RNF152: variants seen among roughly 807,000 people sequenced by gnomAD.
RNF152 encodes ring finger protein 152, also known as E3 ubiquitin-protein ligase RNF152.
Under a neutral mutation model 12.7 loss-of-function variants are expected in RNF152, and 11 were observed. That is an observed-to-expected ratio of 0.86 (90% CI 0.54 to 1.43). RNF152 has a LOEUF of 1.43. Among genes scored for constraint, RNF152 ranks in the 40% most tolerant of loss-of-function variants. The pLI is 0.00. For synonymous variants in RNF152, 113 were observed against 120.3 expected (o/e 0.94, Z 0.40); for missense variants, 255 against 274.8 (o/e 0.93, Z 0.51).
At chr18:61,870,562 C>A (rs900829875) in intron 1 of RNF152, among the ~76,000 whole-genome samples, 4 of 152,166 alleles carry the variant, frequency 2.6e-5, no homozygotes, top group African/African-American at 9.7e-5. Flanking sequence ...CTTGGCCAAG[C>A]ATGAACTCTG....
chr18:61,832,998 A>T (rs1910017925), intron 1 of RNF152, among the ~76,000 whole-genome samples: 2 of 152,350 alleles, frequency 1.3e-5, no homozygotes, highest in South Asian at 4.1e-4. Context: ...GTCAAAGCAG[A>T]AGAAACAGTA....
chr18:61,862,428 G>A (rs929168685), intron 1 of RNF152, among the ~76,000 whole-genome samples: 4 of 152,240 alleles, frequency 2.6e-5, no homozygotes, highest in African/African-American at 9.6e-5. Context: ...GAGGTGAAGA[G>A]CAAGAGGCTT....
chr18:61,820,441 G>A (rs182719584), intron 1 of RNF152, among the ~76,000 whole-genome samples: 28 of 149,486 alleles, frequency 1.9e-4, no homozygotes, highest in Admixed American at 1.5e-3. Flanking sequence ...TACAGGGTTC[G>A]TTGGTGAATC....
chr18:61,857,913 A>T (rs1223246086), intron 1 of RNF152, among the ~76,000 whole-genome samples: 1 of 152,218 alleles, frequency 6.6e-6, no homozygotes, highest in Non-Finnish European at 1.5e-5. Context: ...CAGACAACTA[A>T]AACAATAACA....
chr18:61,832,836 T>C (rs1037442185), intron 1 of RNF152, among the ~76,000 whole-genome samples: 5 of 152,212 alleles, frequency 3.3e-5, no homozygotes, highest in African/African-American at 1.2e-4. Context: ...AATCACCAAA[T>C]AGTAATTAGA....
chr18:61,884,597 C>A (rs371961590), intron 1 of RNF152, among the ~76,000 whole-genome samples: 1 of 152,172 alleles, frequency 6.6e-6, no homozygotes, highest in Admixed American at 6.5e-5. Flanking sequence ...CTCATTCTGT[C>A]GCCCAGGCTG....
At chr18:61,826,012 G>C (rs2144636745) in intron 1 of RNF152, among the ~76,000 whole-genome samples, 1 of 152,278 alleles carries the variant, frequency 6.6e-6, no homozygotes, top group African/African-American at 2.4e-5. Flanking sequence ...CAGCTTCTAG[G>C]CTTTGCGGAT....
intron 1 of RNF152, among the ~76,000 whole-genome samples, chr18:61,822,496 C>T (rs903883370): frequency 6.6e-5 from 10 of 152,114 alleles, no homozygotes; most frequent in Admixed American, 1.3e-4. Context: ...TGACAAAGTG[C>T]GCGCATTCAT....
chr18:61,833,445 T>A (rs772362218), intron 1 of RNF152, among the ~76,000 whole-genome samples: 6 of 152,170 alleles, frequency 3.9e-5, no homozygotes, highest in Non-Finnish European at 8.8e-5. Context: ...CAGCTGCAAA[T>A]CCAATTCCAG....
In RNF152 at chr18:61,809,551, A is replaced by G. The variant is rs910827294; in HGVS notation, c.*6301T>C. The G allele has an allele frequency of 1.3e-5, 2 of 152,196 alleles. No homozygotes were observed. Among genetic ancestry groups the G allele is most frequent in the African/African-American group, 4.8e-5 (2 of 41,440 alleles). The allele number at this position is 152,196 out of a possible 1,614,324, so 9.4% of individuals were successfully genotyped here. On this transcript the variant is annotated 3_prime_UTR_variant, in exon 2 of 2. Coordinates refer to ENST00000312828, the MANE Select transcript of RNF152 (RefSeq NM_173557.3). ...TCACACCCCAAGGAGATTACAGAAG[A>G]CTTTCACATGGGCTACTAGCCCTAC...
rs2144649302 is a variant in RNF152 at position 61,831,227 on chromosome 18, C to T, written c.-135-14629G>A. Among the ~76,000 whole-genome samples the T allele has an allele frequency of 1.3e-5, 2 of 152,306 alleles. 1 individual carries two copies. Among genetic ancestry groups the T allele is most frequent in the South Asian group, 4.1e-4 (2 of 4,830 alleles). On this transcript the variant is annotated intron_variant, in intron 1 of 1. Coordinates refer to ENST00000312828, the MANE Select transcript of RNF152 (RefSeq NM_173557.3). ...AGCTGGTCCTTAGGTCCTCAGATCA[C>T]CACTGTCGCTAGTCCACAGCCACTT...
chr18:61,819,960 G>A (rs1180039143), intron 1 of RNF152, among the ~76,000 whole-genome samples: 1 of 148,922 alleles, frequency 6.7e-6, no homozygotes, highest in Non-Finnish European at 1.5e-5. Flanking sequence ...GGCGGAGATT[G>A]CAGTGAGGCA....
intron 1 of RNF152, among the ~76,000 whole-genome samples, chr18:61,883,750 G>A (rs1449989152): frequency 6.6e-6 from 1 of 152,154 alleles, no homozygotes; most frequent in African/African-American, 2.4e-5. Context: ...GAGGCCACAG[G>A]AGAAAGGCGA....
At chr18:61,869,945 T>A (rs987453290) in intron 1 of RNF152, among the ~76,000 whole-genome samples, 1 of 152,218 alleles carries the variant, frequency 6.6e-6, no homozygotes. Flanking sequence ...GTCACTAGGA[T>A]TTGCTAGAAG....
In RNF152 at chr18:61,851,413, ACCCAAGCGCCTGAGCTGC is replaced by A. The variant is rs549838415; in HGVS notation, c.-135-34833_-135-34816del. On this transcript the variant is annotated intron_variant, in intron 1 of 1. Coordinates refer to ENST00000312828, the MANE Select transcript of RNF152 (RefSeq NM_173557.3). ...GGACGGAAAAGAGGAGAAAACACTT[ACCCAAGCGCCTGAGCTGC>A]CCCAGCTTCAGGGGTGAGGCTACAG... 2.2e-3 allele frequency among the ~76,000 whole-genome samples: 341 copies of A among 152,232 alleles called. 1 individual carries two copies. The highest frequency in any genetic ancestry group is 3.5e-3 in the Non-Finnish European group (241 of 68,010).
chr18:61,850,081 T>G (rs897609530), intron 1 of RNF152, among the ~76,000 whole-genome samples: 6 of 152,240 alleles, frequency 3.9e-5, no homozygotes, highest in Non-Finnish European at 7.3e-5. Context: ...TCAATCCACC[T>G]AACTGTGGAT....
chr18:61,874,101 A>T (rs1292305680), intron 1 of RNF152, among the ~76,000 whole-genome samples: 1 of 152,234 alleles, frequency 6.6e-6, no homozygotes, highest in African/African-American at 2.4e-5. Context: ...CTAATTTCAT[A>T]CTTTACTACT....
At chr18:61,820,909 C>A (rs900477449) in intron 1 of RNF152, among the ~76,000 whole-genome samples, 13 of 152,140 alleles carry the variant, frequency 8.5e-5, no homozygotes, top group Non-Finnish European at 1.9e-4. Context: ...CTTCTCTGAG[C>A]CTGCTTTCTC....
At chr18:61,864,470 G>A (rs1196895620) in intron 1 of RNF152, among the ~76,000 whole-genome samples, 1 of 152,144 alleles carries the variant, frequency 6.6e-6, no homozygotes, top group Non-Finnish European at 1.5e-5. Context: ...GACCTCTTGG[G>A]AGGCGTCACC....
Sources: gnomAD v4.1 joint callset for allele counts (sites outside exome capture counted in the v4.1 genomes callset) on GRCh38, gnomAD v4.1.1 for gene constraint, MANE v1.5 for transcripts, NCBI Gene and HGNC (gene_info 2026-07-23, HGNC 2026-07-21) for gene names.